Variants in SCN3A observed in about 807,000 individuals in gnomAD.
SCN3A encodes the protein sodium voltage-gated channel alpha subunit 3, also known as sodium channel protein type 3 subunit alpha.
SCN3A carries 60 observed loss-of-function variants against 187.6 expected under a neutral mutation model. The ratio of observed to expected loss-of-function variants is 0.32; its 90% CI spans 0.26 to 0.40. The LOEUF is 0.40. Ranked by LOEUF, SCN3A falls within the 10% of genes least tolerant of loss-of-function variation. The probability of loss-of-function intolerance (pLI) is 1.00; values close to 1 mark genes in which losing one functional copy is unlikely to be tolerated. For synonymous variants in SCN3A, 788 were observed against 829.2 expected, an observed-to-expected ratio of 0.95 and a Z score of 0.85; for missense variants, 1,601 against 2,428.2, an observed-to-expected ratio of 0.66 and a Z score of 7.16.
chr2:165,129,091 T>C (rs1208868348), intron 17 of SCN3A, among the ~76,000 whole-genome samples: 2 of 152,182 alleles, frequency 1.3e-5, no homozygotes, highest in African/African-American at 2.4e-5. Flanking sequence ...AATTTACTAT[T>C]CTGGAGAAAA....
intron 15 of SCN3A, among the ~76,000 whole-genome samples, chr2:165,134,528 A>G (rs1039864355): frequency 6.6e-6 from 1 of 152,168 alleles, no homozygotes; most frequent in African/African-American, 2.4e-5. Context: ...AATACCCATC[A>G]CAGAAAAAAA....
intron 1 of SCN3A, among the ~76,000 whole-genome samples, chr2:165,195,772 C>G (rs1691911226): frequency 6.6e-6 from 1 of 151,960 alleles, no homozygotes; most frequent in African/African-American, 2.4e-5. Flanking sequence ...GAGTAGAAAA[C>G]CATTCCTTAC....
At chr2:165,153,444 A>G (rs972575904) in intron 11 of SCN3A, among the ~76,000 whole-genome samples, 1 of 152,160 alleles carries the variant, frequency 6.6e-6, no homozygotes, top group Non-Finnish European at 1.5e-5. Context: ...CTCTGGATAA[A>G]CTGCACTTTA....
chr2:165,136,388 T>C (rs1687661497), intron 15 of SCN3A, among the ~76,000 whole-genome samples: 1 of 152,158 alleles, frequency 6.6e-6, no homozygotes, highest in Non-Finnish European at 1.5e-5. Flanking sequence ...GTTAATAGCA[T>C]ATATATGAGG....
chr2:165,162,272 A>G (rs760434535), intron 9 of SCN3A, 36 bp downstream of exon 9: 9 of 1,547,538 alleles, frequency 5.8e-6, no homozygotes, highest in Non-Finnish European at 1.8e-6. Context: ...TTTCGCAAAG[A>G]GTTCTATATC....
chr2:165,094,178 A>G lies in SCN3A; in HGVS notation c.4536+196T>C, dbSNP rs375543318. 5.6e-5 allele frequency: 35 copies of G among 625,046 alleles called. No homozygotes were observed. In the East Asian group the frequency reaches 7.1e-4, roughly 13 times the overall value. 38.7% of individuals were successfully genotyped at this position (625,046 alleles called of 1,614,324 possible). ...AGTTTTCAACTCACAAATTATAAAG[A>G]ACATTACCTCCTTTTTTTGGAATGT... On this transcript the variant is annotated intron_variant, in intron 26 of 27. Transcript: ENST00000283254.
At chr2:165,106,906 G>C (rs1163956075) in intron 21 of SCN3A, among the ~76,000 whole-genome samples, 2 of 152,178 alleles carry the variant, frequency 1.3e-5, no homozygotes, top group Non-Finnish European at 2.9e-5. Flanking sequence ...GATTGCAGTG[G>C]TGTTGATGTG....
At chr2:165,113,091 T>C (rs1477227115) in intron 20 of SCN3A, 33 bp from the exon 21 acceptor site, 1 of 1,549,062 alleles carries the variant, frequency 6.5e-7, no homozygotes, top group Non-Finnish European at 8.9e-7. Flanking sequence ...TTTACTTAAA[T>C]GGCTTGCTTC....
intron 14 of SCN3A, among the ~76,000 whole-genome samples, chr2:165,138,328 A>G (rs1687795237): frequency 6.6e-6 from 1 of 152,216 alleles, no homozygotes; most frequent in Non-Finnish European, 1.5e-5. Flanking sequence ...TCTTTTGAAT[A>G]CAGAAAATAA....
chr2:165,091,041 T>C lies in SCN3A; in HGVS notation c.5112A>G (p.Gln1704=), dbSNP rs758711324. Residue 1704 remains glutamine, a synonymous_variant, in exon 28 of 28, where the codon CAA becomes CAG. Coordinates refer to ENST00000283254, the MANE Select transcript of SCN3A (RefSeq NM_006922.4). ...TFGNSMICLF[Q]ITTSAGWDGL... Reference sequence around the variant, plus strand: ...CATCCCAGCCAGCAGAGGTTGTAATTTGGAACAAGCAGATCATGCTGTTGC... The same window carrying C: ...CATCCCAGCCAGCAGAGGTTGTAATCTGGAACAAGCAGATCATGCTGTTGC... The C allele has an allele frequency of 3.1e-6, 5 of 1,614,086 alleles. No homozygotes were observed. In the South Asian group the frequency reaches 5.5e-5, roughly 18 times the overall value.
chr2:165,119,002 T>A (rs1277271359), intron 18 of SCN3A, among the ~76,000 whole-genome samples: 1 of 152,134 alleles, frequency 6.6e-6, no homozygotes, highest in Non-Finnish European at 1.5e-5. Flanking sequence ...GACTTCGTGA[T>A]CAGCCTGCCT....
chr2:165,129,600 A>C (rs2105770228), intron 17 of SCN3A, among the ~76,000 whole-genome samples: 1 of 152,344 alleles, frequency 6.6e-6, no homozygotes, highest in Admixed American at 6.5e-5. Flanking sequence ...TTTTCTTATC[A>C]AAACAATATT....
At chr2:165,143,907 A>G (rs1361737400) in intron 12 of SCN3A, among the ~76,000 whole-genome samples, 2 of 152,202 alleles carry the variant, frequency 1.3e-5, no homozygotes, top group Non-Finnish European at 2.9e-5. Flanking sequence ...TAGTGGGAAC[A>G]AGGAAAGTGA....
chr2:165,115,989 C>T (rs1278195399), intron 18 of SCN3A, among the ~76,000 whole-genome samples: 1 of 151,994 alleles, frequency 6.6e-6, no homozygotes, highest in Non-Finnish European at 1.5e-5. Context: ...TTAATTTCCA[C>T]CTCTTCAGAT....
chr2:165,175,068 A>AG (rs1489224831), intron 3 of SCN3A, among the ~76,000 whole-genome samples: 1 of 152,224 alleles, frequency 6.6e-6, no homozygotes, highest in East Asian at 1.9e-4. Flanking sequence ...GTACTTATTT[A>AG]GAACAACAGG....
chr2:165,115,139 G>A (rs1192552042), intron 19 of SCN3A, among the ~76,000 whole-genome samples: 2 of 151,908 alleles, frequency 1.3e-5, no homozygotes, highest in Non-Finnish European at 2.9e-5. Context: ...CTGTAGCCTC[G>A]ACTCCCTGCA....
At chr2:165,179,841 C>T (rs1484191932) in intron 2 of SCN3A, 1 of 152,066 alleles carries the variant, frequency 6.6e-6, no homozygotes, top group Non-Finnish European at 1.5e-5. Context: ...TTTTTCCTCT[C>T]CTTTCTTGTA....
intron 22 of SCN3A, 63 bp from the exon 23 acceptor site, chr2:165,097,587 T>G: frequency 6.3e-7 from 1 of 1,585,040 alleles, no homozygotes; most frequent in Non-Finnish European, 8.6e-7. Flanking sequence ...ATTCCTTCAA[T>G]GTATTTGTTT....
chr2:165,146,992 C>T lies in SCN3A; in HGVS notation c.1418G>A (p.Ser473Asn). ...AAASAASRDF[S>N]GIGGLGELLE... ...CAGCTCTCCTAACCCACCTATTCCACTGAAATCTCTTGAAGCAGCTGATGC... is the reference window on the plus strand; with the variant it reads ...CAGCTCTCCTAACCCACCTATTCCATTGAAATCTCTTGAAGCAGCTGATGC... Residue 473 changes from serine to asparagine, a missense_variant, in exon 12 of 28, where the codon AGT becomes AAT. By Grantham distance (46) the Ser-to-Asn change is conservative. Coordinates refer to ENST00000283254, the MANE Select transcript of SCN3A (RefSeq NM_006922.4). The T allele has an allele frequency of 6.2e-7, 1 of 1,614,058 alleles. No homozygotes were observed. Among genetic ancestry groups the T allele is most frequent in the Non-Finnish European group, 8.5e-7 (1 of 1,179,944 alleles).
Sources: gnomAD v4.1 joint callset for allele counts (sites outside exome capture counted in the v4.1 genomes callset) on GRCh38, gnomAD v4.1.1 for gene constraint, MANE v1.5 for transcripts, NCBI Gene and HGNC (gene_info 2026-07-23, HGNC 2026-07-21) for gene names.